Variants in PCDHGA4 observed in about 807,000 individuals in gnomAD.
PCDHGA4 encodes protocadherin gamma subfamily A, 4.
A neutral mutation model predicts 54.6 loss-of-function variants in PCDHGA4; 38 were observed. The observed-to-expected ratio is 0.70, with a 90% CI of 0.54 to 0.91. The LOEUF (loss-of-function observed/expected upper bound fraction) is 0.91. Among genes scored for constraint, PCDHGA4 ranks in the 40% least tolerant of loss-of-function variants. PCDHGA4 has a pLI of 0.00. For missense variants in PCDHGA4, 1,298 were observed against 1,220.9 expected, an observed-to-expected ratio of 1.06 and a Z score of -0.94; for synonymous variants, 511 against 512.9, an observed-to-expected ratio of 1.00 and a Z score of 0.05.
chr5:141,416,130 C>T (rs907950687), intron 1 of PCDHGA4: 1 of 154,098 alleles, frequency 6.5e-6, no homozygotes, highest in African/African-American at 2.4e-5. Context: ...ATATATTTTT[C>T]AATCTATACT....
In PCDHGA4 at chr5:141,355,455, C is replaced by G; in HGVS notation, c.348C>G (p.Val116=). The change falls in exon 1 of 4, where the codon GTC becomes GTG. Residue 116 remains valine (V), a synonymous_variant. Coordinates refer to ENST00000571252, the MANE Select transcript of PCDHGA4 (RefSeq NM_018917.4). ...TGAACCCGCGCAGCGGCACCTTGGT[C>G]ACCGCGGGTAGGATAGACAGGGAGG... ...FALNPRSGTL[V]TAGRIDREEL... is the part of the protein sequence containing the mutation. 6.2e-7 allele frequency: 1 copy of G among 1,614,078 alleles called. No individual in the cohort carries two copies.
chr5:141,509,872 G>T (rs968745661), intron 3 of PCDHGA4, among the ~76,000 whole-genome samples: 16 of 152,166 alleles, frequency 1.1e-4, no homozygotes, highest in Non-Finnish European at 1.5e-5. Context: ...CCAAGCTGCT[G>T]GTGGTGATGG....
At chr5:141,390,424 T>C (rs1175804708) in intron 1 of PCDHGA4, 23 of 1,041,938 alleles carry the variant, frequency 2.2e-5, no homozygotes, top group Non-Finnish European at 3.0e-5. Flanking sequence ...GTTAAAAAGC[T>C]GTCATATCAT....
At chr5:141,360,482 T>C in intron 1 of PCDHGA4, 4 of 1,613,924 alleles carry the variant, frequency 2.5e-6, no homozygotes, top group Non-Finnish European at 3.4e-6. Flanking sequence ...CCACTAAATA[T>C]TTTCTACATA....
At chr5:141,470,124 G>A (rs1038487398) in intron 1 of PCDHGA4, among the ~76,000 whole-genome samples, 4 of 151,358 alleles carry the variant, frequency 2.6e-5, no homozygotes, top group African/African-American at 9.7e-5. Flanking sequence ...GCAAGACTTC[G>A]TCTCAAAAAA....
intron 1 of PCDHGA4, chr5:141,423,126 G>T (rs1397550571): frequency 6.2e-7 from 1 of 1,613,622 alleles, no homozygotes; most frequent in Non-Finnish European, 8.5e-7. Context: ...CGCGGGCACT[G>T]CTGGACAGAG....
At chr5:141,510,315 G>A (rs2099880567) in intron 3 of PCDHGA4, among the ~76,000 whole-genome samples, 1 of 151,324 alleles carries the variant, frequency 6.6e-6, no homozygotes, top group African/African-American at 2.4e-5. Flanking sequence ...TGGAGGCTTG[G>A]AAGAGCACTC....
chr5:141,417,766 C>T (rs564920153), intron 1 of PCDHGA4: 7 of 1,442,472 alleles, frequency 4.9e-6, no homozygotes, highest in African/African-American at 4.3e-5. Context: ...AGACCCGGGA[C>T]TCCTCCTGTC....
chr5:141,398,298 C>T (rs746476042), intron 1 of PCDHGA4: 1 of 1,362,258 alleles, frequency 7.3e-7, no homozygotes, highest in South Asian at 1.3e-5. Flanking sequence ...TGGGGTTCAG[C>T]GTCCAGGAGT....
intron 1 of PCDHGA4, chr5:141,475,850 G>A (rs2099376325): frequency 1.9e-5 from 9 of 464,524 alleles, no homozygotes; most frequent in Middle Eastern, 5.9e-4. Context: ...AGAGAGCCCG[G>A]CGCTAGCTCA....
At chr5:141,393,319 G>A (rs2092728293) in intron 1 of PCDHGA4, 1 of 1,612,192 alleles carries the variant, frequency 6.2e-7, no homozygotes, top group Admixed American at 1.7e-5. Flanking sequence ...TCCCTCCAGA[G>A]CTACCAGCTC....
At chr5:141,410,235 G>A (rs753193390) in intron 1 of PCDHGA4, 2 of 1,613,970 alleles carry the variant, frequency 1.2e-6, no homozygotes, top group South Asian at 1.1e-5. Context: ...CTCAGCGACC[G>A]CCCTGTACTC....
chr5:141,400,231 G>T (rs572459159), intron 1 of PCDHGA4: 62 of 1,613,870 alleles, frequency 3.8e-5, no homozygotes, highest in Non-Finnish European at 5.1e-5. Flanking sequence ...CTTCCTCCTG[G>T]CCGTGATTCT....
At position 141,493,188 on chromosome 5, in the gene PCDHGA4, C is replaced by T. The variant is rs1292810486; in HGVS notation, c.2515-1619C>T. Among the ~76,000 whole-genome samples the T allele has an allele frequency of 2.6e-5, 4 of 152,216 alleles. No individual in the cohort carries two copies. Among genetic ancestry groups the T allele is most frequent in the Non-Finnish European group, 4.4e-5 (3 of 68,046 alleles). ...ATTGAGAGAAACTTACTATATAACT[C>T]CTTTGAGAACCTCATCTCATTTGCT... On this transcript the variant is annotated intron_variant, in intron 1 of 3. Coordinates refer to ENST00000571252, the MANE Select transcript of PCDHGA4 (RefSeq NM_018917.4). The surrounding 1 kb of genome is among the most constrained non-coding windows in gnomAD (Gnocchi z 4.3).
chr5:141,371,961 G>C lies in PCDHGA4; in HGVS notation c.2514+14340G>C. On this transcript the variant is annotated intron_variant, in intron 1 of 3. Transcript: ENST00000571252. ...GTTCGCGCAGCGAGCCTTCGACCAC[G>C]AGCAGCTGCGTGCCTTCGAGCTCAC... 6.2e-7 allele frequency: 1 copy of C among 1,613,240 alleles called. No individual in the cohort carries two copies. Among genetic ancestry groups the C allele is most frequent in the Admixed American group, 1.7e-5 (1 of 60,006 alleles).
intron 1 of PCDHGA4, chr5:141,393,996 G>C (rs1379037065): frequency 3.1e-6 from 5 of 1,613,290 alleles, no homozygotes; most frequent in East Asian, 2.2e-5. Flanking sequence ...TTTTAAATTA[G>C]AAAAGTCAAT....
intron 1 of PCDHGA4, chr5:141,418,503 T>G (rs2096264259): frequency 6.2e-7 from 1 of 1,613,828 alleles, no homozygotes. Flanking sequence ...CTGACCGCCT[T>G]AGATGGTGGG....
chr5:141,400,144 G>A, intron 1 of PCDHGA4: 1 of 1,614,068 alleles, frequency 6.2e-7, no homozygotes, highest in Non-Finnish European at 8.5e-7. Context: ...GGATATCACT[G>A]ACCGCCCTGT....
intron 1 of PCDHGA4, chr5:141,367,864 T>C (rs960069997): frequency 1.1e-4 from 16 of 152,208 alleles, no homozygotes; most frequent in African/African-American, 3.9e-4. Flanking sequence ...TCTTTAAGTG[T>C]AGGTGCAATT....
Sources: gnomAD v4.1 joint callset for allele counts (sites outside exome capture counted in the v4.1 genomes callset) on GRCh38, gnomAD v4.1.1 for gene constraint, Gnocchi (gnomAD v3.1) non-coding constraint, MANE v1.5 for transcripts, NCBI Gene and HGNC (gene_info 2026-07-23, HGNC 2026-07-21) for gene names.